WDPCP: variants seen among roughly 807,000 people sequenced by gnomAD.
The protein encoded by WDPCP is WD repeat-containing and planar cell polarity effector protein fritz homolog.
Under a neutral mutation model 93.1 loss-of-function variants are expected in WDPCP, and 71 were observed. The ratio of observed to expected loss-of-function variants is 0.76; its 90% CI spans 0.63 to 0.93. The LOEUF is 0.93. WDPCP is among the 40% of genes least tolerant of loss of function. WDPCP has a pLI of 0.00. For missense variants in WDPCP, 844 were observed against 887.4 expected (o/e 0.95, Z 0.62); for synonymous variants, 315 against 315.0 (o/e 1.00, Z 0.00).
At chr2:63,234,906 C>G (rs1463082831) in intron 14 of WDPCP, among the ~76,000 whole-genome samples, 1 of 152,068 alleles carries the variant, frequency 6.6e-6, no homozygotes, top group Non-Finnish European at 1.5e-5. Flanking sequence ...ATGAAAAGTA[C>G]TCCATAAATG....
chr2:63,678,878 G>A (rs1349535803), intron 2 of WDPCP, among the ~76,000 whole-genome samples: 1 of 152,222 alleles, frequency 6.6e-6, no homozygotes, highest in South Asian at 2.1e-4. Context: ...AGAGCTAGCA[G>A]TAGTGGCGGT....
chr2:63,168,107 CAAAA>C (rs957507138), intron 15 of WDPCP, among the ~76,000 whole-genome samples: 3 of 53,544 alleles, frequency 5.6e-5, no homozygotes, highest in South Asian at 6.8e-4. Context: ...GAGACCCTGC[CAAAA>C]AAAAAAAAAA....
At chr2:63,588,545 T>C (rs1709044372), upstream of WDPCP, 1 of 581,134 alleles carries the variant, frequency 1.7e-6, no homozygotes, top group Non-Finnish European at 3.1e-6. Context: ...GATCCAGCTT[T>C]ACGCAGCGGA....
Position 63,177,453 on chromosome 2 carries a change from T to C in WDPCP, c.1916-2621A>G, listed in dbSNP as rs145864970. On this transcript the variant is annotated intron_variant, in intron 14 of 17. Transcript: ENST00000272321. ...TCTAGTTTTAAGTCTTTTACCTCCT[T>C]GGTTAGGTTTATTCCAAAGTATTTT... Among the ~76,000 whole-genome samples, 303 of 152,290 alleles carry C rather than the reference T, an allele frequency of 2.0e-3. 2 individuals carry two copies. The highest frequency in any genetic ancestry group is 6.6e-3 in the African/African-American group (275 of 41,562).
chr2:63,160,528 C>G (rs983532800), intron 15 of WDPCP, among the ~76,000 whole-genome samples: 4 of 152,076 alleles, frequency 2.6e-5, no homozygotes, highest in African/African-American at 9.7e-5. Context: ...TATGAACCTC[C>G]CCTCCCCTAC....
In WDPCP at chr2:63,121,083, A is replaced by G. The variant is rs1352225512; in HGVS notation, c.*923T>C. ...TATAGAGCAATGTTAAGAGGGCTAG[A>G]TGACACCTGCACACTCAATGGGCAG... On this transcript the variant is annotated 3_prime_UTR_variant, in exon 18 of 18. Transcript: ENST00000272321. 6.6e-6 allele frequency among the ~76,000 whole-genome samples: 1 copy of G among 152,108 alleles called. No individual in the cohort carries two copies.
intron 2 of WDPCP, among the ~76,000 whole-genome samples, chr2:63,802,281 TAAAAAAAAAAAAAAAAAAAAAAAAAAA>T (rs58717654): frequency 7.9e-4 from 43 of 54,394 alleles, no homozygotes; most frequent in Middle Eastern, 0.01. Context: ...CCCTCTCTCT[TAAAAAAAAAAAAAAAAAAAAAAAAAAA>T]AAAAAAAAAA....
intron 2 of WDPCP, among the ~76,000 whole-genome samples, chr2:63,785,433 GA>G (rs2103985946): frequency 6.6e-6 from 1 of 152,036 alleles, no homozygotes; most frequent in South Asian, 2.1e-4. Flanking sequence ...ACTTTGAAAG[GA>G]TACTACATTG....
At chr2:63,738,423 A>T (rs1423823289) in intron 2 of WDPCP, among the ~76,000 whole-genome samples, 1 of 132,630 alleles carries the variant, frequency 7.5e-6, no homozygotes, top group Non-Finnish European at 1.7e-5. Flanking sequence ...GACCACCCCC[A>T]CTCCTTCTCC....
intron 14 of WDPCP, among the ~76,000 whole-genome samples, chr2:63,218,972 T>C (rs553452117): frequency 6.6e-6 from 1 of 152,324 alleles, no homozygotes; most frequent in Non-Finnish European, 1.5e-5. Flanking sequence ...CACAAAACAA[T>C]AGAATGCTTT....
At chr2:63,507,323 G>C (rs1356058315) in intron 1 of WDPCP, among the ~76,000 whole-genome samples, 1 of 152,080 alleles carries the variant, frequency 6.6e-6, no homozygotes, top group Non-Finnish European at 1.5e-5. Context: ...AACACTGGGA[G>C]TTGTTAGAAG....
chr2:63,731,308 A>C (rs1479243171), intron 2 of WDPCP, among the ~76,000 whole-genome samples: 5 of 152,024 alleles, frequency 3.3e-5, no homozygotes, highest in Non-Finnish European at 5.9e-5. Context: ...CTGTTTATAA[A>C]CTGTTGGGGG....
At chr2:63,395,091 CA>C (rs991437276) in intron 10 of WDPCP, among the ~76,000 whole-genome samples, 4 of 151,820 alleles carry the variant, frequency 2.6e-5, no homozygotes, top group African/African-American at 9.7e-5. Context: ...AGTAATGTAA[CA>C]AAAAAATACA....
intron 2 of WDPCP, among the ~76,000 whole-genome samples, chr2:63,689,820 C>T (rs867765452): frequency 2.0e-5 from 3 of 152,078 alleles, no homozygotes; most frequent in Non-Finnish European, 4.4e-5. Flanking sequence ...AAATAAAGAC[C>T]TCCAGAAACT....
At chr2:63,235,997 G>GGA (rs1679358644) in intron 14 of WDPCP, among the ~76,000 whole-genome samples, 1 of 152,126 alleles carries the variant, frequency 6.6e-6, no homozygotes, top group African/African-American at 2.4e-5. Flanking sequence ...AGAGAAATCA[G>GGA]GAGAAGAGAA....
At chr2:63,407,073 C>A (rs1694647458) in intron 9 of WDPCP, among the ~76,000 whole-genome samples, 1 of 152,048 alleles carries the variant, frequency 6.6e-6, no homozygotes, top group Admixed American at 6.6e-5. Context: ...ATATAGATAT[C>A]CTAAACACTA....
At chr2:63,615,076 A>G (rs1261792486) in intron 3 of WDPCP, among the ~76,000 whole-genome samples, 1 of 152,226 alleles carries the variant, frequency 6.6e-6, no homozygotes, top group Non-Finnish European at 1.5e-5. Flanking sequence ...GACAGGGCAA[A>G]GAGTTCTCGG....
At chr2:63,689,484 T>C (rs924842524) in intron 2 of WDPCP, among the ~76,000 whole-genome samples, 1 of 152,164 alleles carries the variant, frequency 6.6e-6, no homozygotes, top group African/African-American at 2.4e-5. Flanking sequence ...TGACGGATAG[T>C]TCTTGAATTA....
chr2:63,496,555 T>C (rs1426287497), intron 1 of WDPCP, among the ~76,000 whole-genome samples: 1 of 152,208 alleles, frequency 6.6e-6, no homozygotes, highest in Non-Finnish European at 1.5e-5. Flanking sequence ...CATTTGAACA[T>C]GGGAAATCCT....
Sources: gnomAD v4.1 joint callset for allele counts (sites outside exome capture counted in the v4.1 genomes callset) on GRCh38, gnomAD v4.1.1 for gene constraint, MANE v1.5 for transcripts, NCBI Gene and HGNC (gene_info 2026-07-23, HGNC 2026-07-21) for gene names.